GRIN3A: variants seen among roughly 807,000 people sequenced by gnomAD.
The protein encoded by GRIN3A is glutamate receptor ionotropic, NMDA 3A.
GRIN3A carries 47 observed loss-of-function variants against 92.4 expected under a neutral mutation model. The observed-to-expected ratio is 0.51, with a 90% CI of 0.40 to 0.65. The LOEUF is 0.65. GRIN3A is among the 30% of genes least tolerant of loss of function. The pLI is 0.00. For synonymous variants in GRIN3A, 527 were observed against 540.6 expected (o/e 0.97, Z 0.35); for missense variants, 1,324 against 1,393.1 (o/e 0.95, Z 0.79).
At chr9:101,709,692 T>A (rs1278219935) in intron 1 of GRIN3A, among the ~76,000 whole-genome samples, 1 of 152,266 alleles carries the variant, frequency 6.6e-6, no homozygotes, top group Non-Finnish European at 1.5e-5. Flanking sequence ...TTTAGGTTTT[T>A]ACGTATATGC....
chr9:101,704,000 CT>C (rs1330469762), intron 1 of GRIN3A, among the ~76,000 whole-genome samples: 2 of 152,120 alleles, frequency 1.3e-5, no homozygotes, highest in African/African-American at 4.8e-5. Context: ...TTGTATTCCT[CT>C]TTTGTTTAAA....
At chr9:101,707,421 C>T (rs572920436) in intron 1 of GRIN3A, among the ~76,000 whole-genome samples, 12 of 152,296 alleles carry the variant, frequency 7.9e-5, no homozygotes, top group Admixed American at 7.8e-4. Context: ...ACTTTATTAT[C>T]TGATGCTGTA....
intron 1 of GRIN3A, among the ~76,000 whole-genome samples, chr9:101,720,561 T>C (rs1252096257): frequency 2.0e-5 from 3 of 152,192 alleles, no homozygotes; most frequent in South Asian, 2.1e-4. Context: ...AACTCTGCTA[T>C]ACAATGGGTC....
At chr9:101,658,414 T>A (rs1829119996) in intron 3 of GRIN3A, among the ~76,000 whole-genome samples, 1 of 151,980 alleles carries the variant, frequency 6.6e-6, no homozygotes, top group Non-Finnish European at 1.5e-5. Context: ...TAATCATCAT[T>A]TAAAACACAA....
rs745841882 is a variant in GRIN3A at position 101,594,976 on chromosome 9, G to A, written c.2767-15616C>T. 6 of 1,559,982 alleles carry A rather than the reference G, an allele frequency of 3.8e-6. No individual in the cohort carries two copies. The Admixed American group carries it at 8.8e-5, about 23-fold the overall frequency. ...AAGGGTCGGAGAGGGGAGCAGGGGC[G>A]GTGAGCTCGGGCGGGGCTCGTGCCC... On this transcript the variant is annotated intron_variant, in intron 6 of 8. Transcript: ENST00000361820.
chr9:101,718,739 T>C (rs1379920359), intron 1 of GRIN3A, among the ~76,000 whole-genome samples: 2 of 152,186 alleles, frequency 1.3e-5, no homozygotes, highest in Non-Finnish European at 2.9e-5. Context: ...CTCAGTTTGG[T>C]GTCAGCGTGT....
At chr9:101,608,825 A>G (rs1027539019) in intron 6 of GRIN3A, among the ~76,000 whole-genome samples, 1 of 152,224 alleles carries the variant, frequency 6.6e-6, no homozygotes, top group Non-Finnish European at 1.5e-5. Flanking sequence ...ACTATATTGT[A>G]TAGAATACTG....
chr9:101,646,706 T>A (rs913525122), intron 3 of GRIN3A, among the ~76,000 whole-genome samples: 1 of 151,896 alleles, frequency 6.6e-6, no homozygotes, highest in African/African-American at 2.4e-5. Flanking sequence ...ATCAGTGTTT[T>A]ATAGTTTTCA....
intron 1 of GRIN3A, among the ~76,000 whole-genome samples, chr9:101,712,486 G>C (rs993350463): frequency 5.9e-5 from 9 of 152,182 alleles, no homozygotes; most frequent in African/African-American, 2.2e-4. Context: ...CAGTGAGTAG[G>C]AAATGGTGGG....
chr9:101,653,115 A>G (rs553212521), intron 3 of GRIN3A, among the ~76,000 whole-genome samples: 17 of 151,962 alleles, frequency 1.1e-4, no homozygotes, highest in Admixed American at 6.6e-5. Flanking sequence ...AATGCATAAA[A>G]TGTTCCAAGT....
intron 1 of GRIN3A, among the ~76,000 whole-genome samples, chr9:101,694,043 G>A (rs942648381): frequency 8.5e-5 from 13 of 152,244 alleles, no homozygotes; most frequent in African/African-American, 2.9e-4. Context: ...TATAATGAAT[G>A]TTTCAGAAGG....
intron 6 of GRIN3A, among the ~76,000 whole-genome samples, chr9:101,596,650 G>A (rs2118819981): frequency 6.6e-6 from 1 of 152,252 alleles, no homozygotes; most frequent in African/African-American, 2.4e-5. Flanking sequence ...CATGCACTGG[G>A]GCTGGGAGCC....
At position 101,573,045 on chromosome 9, in the gene GRIN3A, C is replaced by G; in HGVS notation, c.*129G>C. On this transcript the variant is annotated 3_prime_UTR_variant, in exon 9 of 9. Coordinates refer to ENST00000361820, the MANE Select transcript of GRIN3A (RefSeq NM_133445.3). The stretch of plus-strand genomic sequence containing the variant: ...TGCACTTTAGGCGAGGGAGAGCAGA[C>G]TTGACCTTTAAGAAGACCTAGACCT... The G allele has an allele frequency of 1.3e-6, 1 of 798,018 alleles. No individual in the cohort carries two copies. The allele number at this position is 798,018 out of a possible 1,614,324, so 49.4% of individuals were successfully genotyped here.
intron 6 of GRIN3A, among the ~76,000 whole-genome samples, chr9:101,601,968 T>C (rs1828217037): frequency 6.6e-6 from 1 of 152,116 alleles, no homozygotes; most frequent in African/African-American, 2.4e-5. Flanking sequence ...ATCCAACCCA[T>C]AACACCTAGG....
intron 8 of GRIN3A, among the ~76,000 whole-genome samples, chr9:101,577,194 G>C (rs1230400895): frequency 6.6e-6 from 1 of 152,164 alleles, no homozygotes; most frequent in African/African-American, 2.4e-5. Flanking sequence ...AAATGAATTA[G>C]GCATGACATG....
chr9:101,630,645 G>GTCATTACAAA (rs570999728), intron 3 of GRIN3A, among the ~76,000 whole-genome samples: 53 of 152,294 alleles, frequency 3.5e-4, no homozygotes, highest in African/African-American at 1.2e-3. Context: ...CCTCTGTCTG[G>GTCATTACAAA]ATTTGCTACT....
At chr9:101,588,816 TTTTA>T (rs1827982809) in intron 6 of GRIN3A, among the ~76,000 whole-genome samples, 1 of 151,912 alleles carries the variant, frequency 6.6e-6, no homozygotes, top group Non-Finnish European at 1.5e-5. Flanking sequence ...CTAAATATTA[TTTTA>T]TTTATTAACT....
intron 1 of GRIN3A, among the ~76,000 whole-genome samples, chr9:101,701,072 C>T (rs1337837347): frequency 1.3e-5 from 2 of 152,060 alleles, no homozygotes; most frequent in African/African-American, 2.4e-5. Flanking sequence ...GAAACTTCTC[C>T]CCTCTTCTTG....
chr9:101,697,763 T>A (rs1365430743), intron 1 of GRIN3A, among the ~76,000 whole-genome samples: 2 of 152,234 alleles, frequency 1.3e-5, no homozygotes, highest in Non-Finnish European at 2.9e-5. Flanking sequence ...GTTTATAGAA[T>A]GCCACAAATT....
Sources: gnomAD v4.1 joint callset for allele counts (sites outside exome capture counted in the v4.1 genomes callset) on GRCh38, gnomAD v4.1.1 for gene constraint, MANE v1.5 for transcripts, NCBI Gene and HGNC (gene_info 2026-07-23, HGNC 2026-07-21) for gene names.